The following GRM1 variants were observed in gnomAD, a reference collection of about 807,000 sequenced individuals.
The protein encoded by GRM1 is glutamate metabotropic receptor 1, also known as metabotropic glutamate receptor 1.
In GRM1, 33 loss-of-function variants were observed where a neutral mutation model predicts 90.9. The ratio of observed to expected loss-of-function variants is 0.36; its 90% CI spans 0.28 to 0.49. The LOEUF (loss-of-function observed/expected upper bound fraction) is 0.49, where lower values mean the gene tolerates loss of function less well. Ranked by LOEUF, GRM1 falls within the 20% of genes least tolerant of loss-of-function variation. GRM1 has a pLI of 0.99. For synonymous variants in GRM1, 700 were observed against 613.2 expected, an observed-to-expected ratio of 1.14 and a Z score of -2.09; for missense variants, 1,190 against 1,534.3, an observed-to-expected ratio of 0.78 and a Z score of 3.75.
At chr6:146,372,114 C>T (rs1775926052) in intron 5 of GRM1, among the ~76,000 whole-genome samples, 1 of 152,092 alleles carries the variant, frequency 6.6e-6, no homozygotes, top group Admixed American at 6.6e-5. Flanking sequence ...CTCATCTTCG[C>T]CAGCATTTGT....
intron 2 of GRM1, among the ~76,000 whole-genome samples, chr6:146,176,642 G>A (rs1199912080): frequency 1.3e-5 from 2 of 151,984 alleles, no homozygotes; most frequent in African/African-American, 4.8e-5. Context: ...AAGTCTGTAA[G>A]TTTTCCTTCA....
intron 7 of GRM1, among the ~76,000 whole-genome samples, chr6:146,412,681 C>T (rs1777614557): frequency 6.6e-6 from 1 of 152,150 alleles, no homozygotes; most frequent in African/African-American, 2.4e-5. Flanking sequence ...TGTACTACAT[C>T]TATATTTCAT....
At chr6:146,379,656 C>T (rs1562652866) in intron 5 of GRM1, among the ~76,000 whole-genome samples, 1 of 152,120 alleles carries the variant, frequency 6.6e-6, no homozygotes, top group Admixed American at 6.6e-5. Context: ...GGTGCATGGA[C>T]ATTGAAGATA....
chr6:146,122,597 G>A (rs1011950141), intron 1 of GRM1, among the ~76,000 whole-genome samples: 7 of 151,890 alleles, frequency 4.6e-5, no homozygotes, highest in Non-Finnish European at 1.0e-4. Flanking sequence ...CTGTTGCACT[G>A]AACACTGGAG....
intron 1 of GRM1, among the ~76,000 whole-genome samples, chr6:146,103,133 C>A (rs1200510393): frequency 6.6e-6 from 1 of 152,128 alleles, no homozygotes; most frequent in African/African-American, 2.4e-5. Context: ...AGAACAGATA[C>A]TTTTATACCA....
At chr6:146,402,772 T>C (rs1335596911) in intron 7 of GRM1, among the ~76,000 whole-genome samples, 4 of 152,204 alleles carry the variant, frequency 2.6e-5, no homozygotes, top group Non-Finnish European at 5.9e-5. Flanking sequence ...GTTGGAATGA[T>C]GTTGCGTTGT....
At chr6:146,378,593 C>A (rs1776199783) in intron 5 of GRM1, among the ~76,000 whole-genome samples, 1 of 152,158 alleles carries the variant, frequency 6.6e-6, no homozygotes. Context: ...GGTTATTTAC[C>A]CAATTCCTGT....
chr6:146,101,889 G>A (rs888578773), intron 1 of GRM1, among the ~76,000 whole-genome samples: 4 of 150,330 alleles, frequency 2.7e-5, no homozygotes, highest in Non-Finnish European at 5.9e-5. Flanking sequence ...ATAATAATAT[G>A]AGTGATAAAA....
At chr6:146,084,363 T>C (rs965185492) in intron 1 of GRM1, among the ~76,000 whole-genome samples, 12 of 152,288 alleles carry the variant, frequency 7.9e-5, no homozygotes, top group African/African-American at 2.6e-4. Flanking sequence ...AGCTTTCTGA[T>C]GCGGGCATTG....
chr6:146,433,759 C>G, intron 7 of GRM1, 113 bp from the exon 8 acceptor site: 1 of 780,710 alleles, frequency 1.3e-6, no homozygotes, highest in East Asian at 2.6e-5. Context: ...CAAAGGCCTA[C>G]AGCAGAGACA....
chr6:146,268,553 G>C (rs1782003533), intron 2 of GRM1, among the ~76,000 whole-genome samples: 1 of 152,154 alleles, frequency 6.6e-6, no homozygotes, highest in Admixed American at 6.5e-5. Context: ...CACCCAGTAA[G>C]TGTCTGTTGA....
chr6:146,170,739 CT>C (rs1167432121), intron 2 of GRM1, among the ~76,000 whole-genome samples: 3 of 151,648 alleles, frequency 2.0e-5, no homozygotes, highest in Non-Finnish European at 4.4e-5. Context: ...ATAATAGATA[CT>C]TTTAAGACTT....
chr6:146,299,279 T>C (rs1287629727), intron 2 of GRM1, among the ~76,000 whole-genome samples: 2 of 152,214 alleles, frequency 1.3e-5, no homozygotes, highest in Admixed American at 6.5e-5. Flanking sequence ...GTAACTTTAA[T>C]ATCACTTTCT....
intron 1 of GRM1, among the ~76,000 whole-genome samples, chr6:146,102,488 C>A (rs1172212309): frequency 6.6e-6 from 1 of 152,170 alleles, no homozygotes; most frequent in Non-Finnish European, 1.5e-5. Context: ...TATCCATTTG[C>A]TCATTCCAGA....
chr6:146,115,840 A>T (rs984355182), intron 1 of GRM1, among the ~76,000 whole-genome samples: 5 of 152,180 alleles, frequency 3.3e-5, no homozygotes, highest in Non-Finnish European at 1.5e-5. Flanking sequence ...TGTATTAATG[A>T]ATAGACAAAC....
Position 146,029,695 on chromosome 6 carries a change from G to A in GRM1, c.178G>A (p.Glu60Lys), listed in dbSNP as rs1384352689. 2 of 1,614,126 alleles carry A rather than the reference G, an allele frequency of 1.2e-6. No individual in the cohort carries two copies. Among genetic ancestry groups the A allele is most frequent in the East Asian group, 2.2e-5 (1 of 44,862 alleles). The change falls in exon 1 of 8, where the codon GAG becomes AAG. Residue 60 changes from glutamate (E) to lysine (K), a missense_variant. Glu to Lys is a moderately conservative substitution (Grantham distance 56). This residue lies in a region of GRM1 where 25 missense variants were observed against 65.9 expected (regional missense o/e 0.38). Coordinates refer to ENST00000282753, the MANE Select transcript of GRM1 (RefSeq NM_001278064.2). ...LFSVHHQPPAEKVPERKCGEI... is the reference protein window; with the variant it reads ...LFSVHHQPPAKKVPERKCGEI... The stretch of plus-strand genomic sequence containing the variant: ...CTCAGTCCATCACCAGCCTCCGGCC[G>A]AGAAAGTGCCCGAGAGGAAGTGTGG...
chr6:146,425,554 G>A (rs1290253200), intron 7 of GRM1, among the ~76,000 whole-genome samples: 1 of 152,204 alleles, frequency 6.6e-6, no homozygotes, highest in Non-Finnish European at 1.5e-5. Context: ...TCTGGGTAGA[G>A]GGTCAGATGT....
chr6:146,324,627 G>A (rs2114979085), intron 3 of GRM1, among the ~76,000 whole-genome samples: 1 of 152,152 alleles, frequency 6.6e-6, no homozygotes. Context: ...GGGCGGGAGT[G>A]CACCATCCCT....
intron 1 of GRM1, among the ~76,000 whole-genome samples, chr6:146,155,630 A>G (rs1202150313): frequency 1.3e-5 from 2 of 152,204 alleles, no homozygotes. Flanking sequence ...CTTTCATGAT[A>G]TGACTGATAA....
Sources: gnomAD v4.1 joint callset for allele counts (sites outside exome capture counted in the v4.1 genomes callset) on GRCh38, gnomAD v4.1.1 for gene constraint, gnomAD v4.1.1 regional missense constraint, MANE v1.5 for transcripts, NCBI Gene and HGNC (gene_info 2026-07-23, HGNC 2026-07-21) for gene names.